ARHGAP39: variants seen among roughly 807,000 people sequenced by gnomAD.
ARHGAP39 encodes the protein Rho GTPase activating protein 39, also known as rho GTPase-activating protein 39.
ARHGAP39 carries 44 observed loss-of-function variants against 106.9 expected under a neutral mutation model. That is an observed-to-expected ratio of 0.41 (90% CI 0.32 to 0.53). The LOEUF (loss-of-function observed/expected upper bound fraction) is 0.53, where lower values mean the gene tolerates loss of function less well. Among genes scored for constraint, ARHGAP39 ranks in the 20% least tolerant of loss-of-function variants. The pLI is 0.21. For missense variants in ARHGAP39, 1,496 were observed against 1,577.3 expected (o/e 0.95, Z 0.87); for synonymous variants, 768 against 693.2 (o/e 1.11, Z -1.69).
chr8:144,620,095 C>CTG (rs534562408), intron 1 of ARHGAP39, among the ~76,000 whole-genome samples: 1 of 122,186 alleles, frequency 8.2e-6, no homozygotes, highest in Non-Finnish European at 1.7e-5. Context: ...TGCGTTGAGC[C>CTG]TGTGTGTCCC....
intron 1 of ARHGAP39, among the ~76,000 whole-genome samples, chr8:144,650,209 T>C: frequency 6.6e-6 from 1 of 151,926 alleles, no homozygotes; most frequent in Non-Finnish European, 1.5e-5. Flanking sequence ...AGGAAGAAAC[T>C]GATTCCCTAA....
chr8:144,655,404 G>C (rs946587556), intron 1 of ARHGAP39, among the ~76,000 whole-genome samples: 1 of 152,138 alleles, frequency 6.6e-6, no homozygotes, highest in East Asian at 1.9e-4. Flanking sequence ...GAGACACCAG[G>C]ACTACTGGCT....
At chr8:144,663,544 A>G (rs1821887368) in intron 1 of ARHGAP39, among the ~76,000 whole-genome samples, 1 of 152,100 alleles carries the variant, frequency 6.6e-6, no homozygotes, top group Non-Finnish European at 1.5e-5. Context: ...ACTTCAACAC[A>G]AGACCTGGCG....
chr8:144,649,277 C>T (rs1821519077), intron 1 of ARHGAP39, among the ~76,000 whole-genome samples: 1 of 151,584 alleles, frequency 6.6e-6, no homozygotes, highest in Non-Finnish European at 1.5e-5. Context: ...CCCATCTCTA[C>T]TAAAAATACA....
chr8:144,669,906 G>A (rs1373585346), intron 1 of ARHGAP39, among the ~76,000 whole-genome samples: 2 of 152,226 alleles, frequency 1.3e-5, no homozygotes, highest in Non-Finnish European at 2.9e-5. Context: ...GGAACCTTAT[G>A]TATCGCTGTG....
At chr8:144,544,439 C>T (rs1436974068) in intron 6 of ARHGAP39, among the ~76,000 whole-genome samples, 2 of 152,252 alleles carry the variant, frequency 1.3e-5, no homozygotes. Flanking sequence ...TGCCACAGAA[C>T]AGTCTATGGC....
upstream of ARHGAP39, among the ~76,000 whole-genome samples, chr8:144,690,350 C>T (rs1286578792): frequency 6.6e-6 from 1 of 152,030 alleles, no homozygotes; most frequent in African/African-American, 2.4e-5. Context: ...TGACCTCCCA[C>T]CCACGTTGGC....
chr8:144,576,466 T>A (rs763065089), intron 3 of ARHGAP39, among the ~76,000 whole-genome samples: 15 of 151,098 alleles, frequency 9.9e-5, no homozygotes, highest in Non-Finnish European at 2.1e-4. Flanking sequence ...GACACTCCAG[T>A]CCCCAGAGAG....
intron 1 of ARHGAP39, among the ~76,000 whole-genome samples, chr8:144,621,586 G>A (rs576725801): frequency 6.1e-4 from 93 of 152,334 alleles, no homozygotes; most frequent in African/African-American, 1.9e-3. Context: ...GGAGGCTGAG[G>A]CAGGCAGATT....
intron 6 of ARHGAP39, among the ~76,000 whole-genome samples, chr8:144,539,399 C>G (rs1000691082): frequency 6.6e-6 from 1 of 152,178 alleles, no homozygotes; most frequent in African/African-American, 2.4e-5. Context: ...TTGTAGGAGA[C>G]TTAATTTTGA....
chr8:144,569,522 C>CA (rs893299062), intron 3 of ARHGAP39, among the ~76,000 whole-genome samples: 8 of 152,050 alleles, frequency 5.3e-5, no homozygotes, highest in Non-Finnish European at 7.4e-5. Context: ...AGATGACAGA[C>CA]AAAAAAGAGT....
intron 3 of ARHGAP39, among the ~76,000 whole-genome samples, chr8:144,577,181 G>A (rs1363594038): frequency 6.6e-6 from 1 of 152,134 alleles, no homozygotes; most frequent in Non-Finnish European, 1.5e-5. Context: ...GATTGCTCAC[G>A]TGGGTTTCAT....
intron 1 of ARHGAP39, among the ~76,000 whole-genome samples, chr8:144,621,084 G>A (rs900591572): frequency 6.6e-6 from 1 of 152,266 alleles, no homozygotes; most frequent in Non-Finnish European, 1.5e-5. Context: ...TGCTGTCCTA[G>A]CCCCCATCAC....
intron 2 of ARHGAP39, among the ~76,000 whole-genome samples, chr8:144,599,078 G>A (rs1396648424): frequency 6.6e-6 from 1 of 152,226 alleles, no homozygotes; most frequent in Non-Finnish European, 1.5e-5. Context: ...GCAGGCAGCT[G>A]TTGACGGCCC....
At position 144,644,497 on chromosome 8, in the gene ARHGAP39, A is replaced by C. The variant is rs1405075519; in HGVS notation, c.-81-38802T>G. On this transcript the variant is annotated intron_variant, in intron 1 of 11. Transcript: ENST00000377307. The surrounding 1 kb of genome is among the most constrained non-coding windows in gnomAD (Gnocchi z 4.8). The stretch of plus-strand genomic sequence containing the variant: ...CGACTCTACAAATTTACTAAAAACC[A>C]TGGGATTATATACTTGAAATGAGTG... 6.6e-6 allele frequency among the ~76,000 whole-genome samples: 1 copy of C among 152,216 alleles called. No homozygotes were observed. The highest frequency in any genetic ancestry group is 1.5e-5 in the Non-Finnish European group (1 of 68,040).
At chr8:144,595,551 A>T (rs546861019) in intron 2 of ARHGAP39, among the ~76,000 whole-genome samples, 34 of 151,790 alleles carry the variant, frequency 2.2e-4, no homozygotes, top group South Asian at 1.7e-3. Flanking sequence ...TGAATTATAT[A>T]AAAAAAAGGG....
At chr8:144,627,760 A>AAAAACAAAAC in intron 1 of ARHGAP39, among the ~76,000 whole-genome samples, 1 of 152,232 alleles carries the variant, frequency 6.6e-6, no homozygotes. Flanking sequence ...CCTGTCTCAA[A>AAAAACAAAAC]AAAACAAAAC....
intron 3 of ARHGAP39, among the ~76,000 whole-genome samples, chr8:144,564,974 G>C (rs11775018): frequency 0.031 from 4,662 of 152,204 alleles, 113 homozygotes; most frequent in Non-Finnish European, 0.042. Flanking sequence ...GCCAGGCGTG[G>C]AAGCATGTGC....
At chr8:144,592,767 C>T (rs1477540974) in intron 2 of ARHGAP39, among the ~76,000 whole-genome samples, 2 of 152,198 alleles carry the variant, frequency 1.3e-5, no homozygotes, top group Non-Finnish European at 2.9e-5. Flanking sequence ...GAGAAAGGCA[C>T]AGGCTTCAGA....
Sources: allele counts gnomAD v4.1 joint callset (sites outside exome capture counted in the v4.1 genomes callset), GRCh38; gene constraint gnomAD v4.1.1; non-coding constraint Gnocchi (gnomAD v3.1); transcripts MANE v1.5; gene names NCBI Gene and HGNC (gene_info 2026-07-23, HGNC 2026-07-21).